JAKMIP2: variants seen among roughly 807,000 people sequenced by gnomAD.
The protein encoded by JAKMIP2 is janus kinase and microtubule-interacting protein 2.
Under a neutral mutation model 115.0 loss-of-function variants are expected in JAKMIP2, and 25 were observed. That is an observed-to-expected ratio of 0.22 (90% CI 0.16 to 0.30). JAKMIP2 has a LOEUF of 0.30. Ranked by LOEUF, JAKMIP2 falls within the 10% of genes least tolerant of loss-of-function variation. JAKMIP2 has a pLI of 1.00. For missense variants in JAKMIP2, 642 were observed against 957.6 expected, an observed-to-expected ratio of 0.67 and a Z score of 4.35; for synonymous variants, 334 against 343.6, an observed-to-expected ratio of 0.97 and a Z score of 0.31.
intron 14 of JAKMIP2, among the ~76,000 whole-genome samples, chr5:147,629,954 G>T (rs1757282159): frequency 6.6e-6 from 1 of 152,118 alleles, no homozygotes; most frequent in Non-Finnish European, 1.5e-5. Context: ...TCTTAATTTT[G>T]CTAGTTGCAA....
At chr5:147,674,282 T>TA (rs1286540751) in intron 1 of JAKMIP2, among the ~76,000 whole-genome samples, 1 of 152,210 alleles carries the variant, frequency 6.6e-6, no homozygotes, top group Admixed American at 6.5e-5. Flanking sequence ...GCTTTGTATA[T>TA]AAAATCTGAT....
At chr5:147,603,703 A>G (rs928805168) in intron 20 of JAKMIP2, among the ~76,000 whole-genome samples, 8 of 152,326 alleles carry the variant, frequency 5.3e-5, no homozygotes, top group African/African-American at 1.9e-4. Context: ...GTTGATAATT[A>G]GATCCTTATT....
intron 1 of JAKMIP2, among the ~76,000 whole-genome samples, chr5:147,709,509 A>G (rs1752701893): frequency 6.6e-6 from 1 of 152,218 alleles, no homozygotes; most frequent in Non-Finnish European, 1.5e-5. Context: ...AGTATTTTGT[A>G]TATCGATGAC....
intron 17 of JAKMIP2, 116 bp downstream of exon 17, chr5:147,623,505 A>G (rs1756950737): frequency 1.6e-6 from 1 of 606,084 alleles, no homozygotes; most frequent in East Asian, 2.9e-5. Flanking sequence ...ATAAAATAAT[A>G]ATGGAAAGAT....
rs1755061737 is a variant in JAKMIP2 at position 147,764,906 on chromosome 5, GAAAGAAAGAAAGAA to G, written c.-149+17536_-149+17549del. On this transcript the variant is annotated intron_variant, in intron 1 of 21. Coordinates refer to ENST00000616793, the MANE Select transcript of JAKMIP2 (RefSeq NM_001270941.2). ...TCTAAAAGGGAAAGAAAGAAAGAAA[GAAAGAAAGAAAGAA>G]AGAGAGAGAGAGAGAGAGAGAGAGA... Among the ~76,000 whole-genome samples, 6 of 89,170 alleles carry G rather than the reference GAAAGAAAGAAAGAA, an allele frequency of 6.7e-5. No homozygotes were observed. The South Asian group carries it at 1.7e-3, about 25-fold the overall frequency. 58.5% of individuals were successfully genotyped at this position (89,170 alleles called of 152,430 possible).
intron 2 of JAKMIP2, among the ~76,000 whole-genome samples, chr5:147,662,970 A>G (rs2040873893): frequency 6.6e-6 from 1 of 151,806 alleles, no homozygotes; most frequent in African/African-American, 2.4e-5. Flanking sequence ...TGGGAGACAG[A>G]GTGAGATTCT....
Position 147,702,648 on chromosome 5 carries a change from GAAAGAAAGAAAGAAAGAGAGAGAA to G in JAKMIP2, c.-148-30718_-148-30695del, listed in dbSNP as rs1561547601. 2.2e-3 allele frequency among the ~76,000 whole-genome samples: 233 copies of G among 108,008 alleles called. 2 individuals are homozygous for G. The highest frequency in any genetic ancestry group is 6.2e-3 in the Admixed American group (66 of 10,714). 70.9% of individuals were successfully genotyped at this position (108,008 alleles called of 152,430 possible). A position where few individuals can be genotyped will look rare whatever the true frequency, so the allele number is the denominator to read the frequency against. On this transcript the variant is annotated intron_variant, in intron 1 of 21. Coordinates refer to ENST00000616793, the MANE Select transcript of JAKMIP2 (RefSeq NM_001270941.2). ...AGAAAGAAAGAAAGAAAGAAAGAAA[GAAAGAAAGAAAGAAAGAGAGAGAA>G]AGAAAGAGAAAGAAAGAAAAGAAAA...
chr5:147,598,675 T>C (rs1755537224), intron 21 of JAKMIP2, among the ~76,000 whole-genome samples: 1 of 152,136 alleles, frequency 6.6e-6, no homozygotes. Flanking sequence ...CCAGTAAGGG[T>C]GCCTTCTAGG....
chr5:147,600,497 CACCTGAG>C lies in JAKMIP2; in HGVS notation c.*20+1237_*20+1243del, dbSNP rs1755640279. Among the ~76,000 whole-genome samples the C allele has an allele frequency of 1.4e-4, 21 of 152,172 alleles. No individual in the cohort carries two copies. The South Asian group carries it at 4.4e-3, about 32-fold the overall frequency. ...CAACTTGCTGTAGAAAATGTTAAATCACCTGAGGTCCAGGAAAGATCTCAGGCTAATA... is the reference window on the plus strand; with the variant it reads ...CAACTTGCTGTAGAAAATGTTAAATCGTCCAGGAAAGATCTCAGGCTAATA... On this transcript the variant is annotated intron_variant, in intron 21 of 21. Coordinates refer to ENST00000616793, the MANE Select transcript of JAKMIP2 (RefSeq NM_001270941.2).
At chr5:147,742,153 A>ATTTTT (rs759308175) in intron 1 of JAKMIP2, among the ~76,000 whole-genome samples, 10,338 of 110,296 alleles carry the variant, frequency 0.094, 953 homozygotes, top group African/African-American at 0.12. Context: ...ATATATATAT[A>ATTTTT]TATTTTTTTT....
intron 1 of JAKMIP2, among the ~76,000 whole-genome samples, chr5:147,761,920 C>A (rs1754942325): frequency 6.6e-6 from 1 of 152,008 alleles, no homozygotes; most frequent in Non-Finnish European, 1.5e-5. Context: ...AAGAATTTTA[C>A]AATCTGAATA....
chr5:147,591,521 C>A lies in JAKMIP2; in HGVS notation c.*186G>T. 1 of 708,900 alleles carries A rather than the reference C, an allele frequency of 1.4e-6. No individual in the cohort carries two copies. The highest frequency in any genetic ancestry group is 1.7e-5 in the South Asian group (1 of 57,990). 43.9% of individuals were successfully genotyped at this position (708,900 alleles called of 1,614,324 possible). A position where few individuals can be genotyped will look rare whatever the true frequency, so the allele number is the denominator to read the frequency against. ...TTCAACAGGGTTGTGTAGGAACTGT[C>A]AAGTAAGAAACCTTGAATAATGGCT... On this transcript the variant is annotated 3_prime_UTR_variant, in exon 22 of 22. Transcript: ENST00000616793.
intron 2 of JAKMIP2, among the ~76,000 whole-genome samples, chr5:147,667,652 C>T (rs940317607): frequency 4.6e-5 from 7 of 152,160 alleles, no homozygotes; most frequent in Non-Finnish European, 1.0e-4. Context: ...GTGAAGGAGT[C>T]GCTCTAGGAA....
intron 2 of JAKMIP2, among the ~76,000 whole-genome samples, chr5:147,668,298 G>A (rs1258757591): frequency 6.6e-6 from 1 of 152,178 alleles, no homozygotes; most frequent in Non-Finnish European, 1.5e-5. Context: ...CTGAGGGAGA[G>A]TAAAAAGCCC....
rs977434171 is a variant in JAKMIP2, at chr5:147,712,199, C to T, written c.-148-40245G>A. Among the ~76,000 whole-genome samples the T allele has an allele frequency of 3.9e-5, 6 of 152,286 alleles. No individual in the cohort carries two copies. In the East Asian group the frequency reaches 1.2e-3, roughly 29 times the overall value. On this transcript the variant is annotated intron_variant, in intron 1 of 21. Transcript: ENST00000616793. ...GCCTGCCCTTCTTGTCTACAACCCA[C>T]AATCACTCACAGAAGTCATGTTTTC...
intron 21 of JAKMIP2, among the ~76,000 whole-genome samples, chr5:147,592,099 A>G (rs1195763916): frequency 6.6e-6 from 1 of 152,206 alleles, no homozygotes; most frequent in Non-Finnish European, 1.5e-5. Context: ...GGTTGGTTAC[A>G]TGGATATATT....
At chr5:147,701,197 T>C (rs992314476) in intron 1 of JAKMIP2, among the ~76,000 whole-genome samples, 1 of 152,262 alleles carries the variant, frequency 6.6e-6, no homozygotes, top group South Asian at 2.1e-4. Flanking sequence ...GGGATTAGAC[T>C]CAAGAAGGAT....
chr5:147,651,894 A>G (rs574263456), intron 3 of JAKMIP2, among the ~76,000 whole-genome samples: 1 of 152,308 alleles, frequency 6.6e-6, no homozygotes, highest in South Asian at 2.1e-4. Flanking sequence ...ACTGAGCAGC[A>G]TGTTCATTTG....
At chr5:147,597,890 G>C (rs1293847998) in intron 21 of JAKMIP2, among the ~76,000 whole-genome samples, 2 of 152,106 alleles carry the variant, frequency 1.3e-5, no homozygotes, top group Non-Finnish European at 2.9e-5. Flanking sequence ...TTCAGCCTTT[G>C]GACTCTGGGA....
Sources: gnomAD v4.1 joint callset for allele counts (sites outside exome capture counted in the v4.1 genomes callset) on GRCh38, gnomAD v4.1.1 for gene constraint, MANE v1.5 for transcripts, NCBI Gene and HGNC (gene_info 2026-07-23, HGNC 2026-07-21) for gene names.